ZFP14: variants seen among roughly 807,000 people sequenced by gnomAD.
ZFP14 encodes ZFP14 zinc finger protein.
In ZFP14, 22 loss-of-function variants were observed where a neutral mutation model predicts 54.5. The observed-to-expected ratio is 0.40, with a 90% CI of 0.29 to 0.58. The LOEUF (loss-of-function observed/expected upper bound fraction) is 0.58. Among genes scored for constraint, ZFP14 ranks in the 20% least tolerant of loss-of-function variants. The pLI, the probability that ZFP14 is intolerant of heterozygous loss-of-function variation, is 0.39. For missense variants in ZFP14, 470 were observed against 637.8 expected (o/e 0.74, Z 2.83); for synonymous variants, 159 against 204.0 (o/e 0.78, Z 1.88).
rs1303306685 is a variant in ZFP14 at position 36,336,991 on chromosome 19, T to C, written c.*3233A>G. 3 of 152,216 alleles carry C rather than the reference T, an allele frequency of 2.0e-5. No individual in the cohort carries two copies. The highest frequency in any genetic ancestry group is 1.3e-4 in the Admixed American group (2 of 15,278). 9.4% of individuals were successfully genotyped at this position (152,216 alleles called of 1,614,324 possible). ...GCTAGAATATTTTAATCCAAATGTG[T>C]CTATCTTCATTTCATAGTATGTATC... On this transcript the variant is annotated 3_prime_UTR_variant, in exon 5 of 5. Transcript: ENST00000270001.
At chr19:36,374,560 T>C (rs1245130202) in intron 1 of ZFP14, among the ~76,000 whole-genome samples, 1 of 151,398 alleles carries the variant, frequency 6.6e-6, no homozygotes, top group Non-Finnish European at 1.5e-5. Flanking sequence ...TTATAATGAA[T>C]TAATGGATTA....
chr19:36,349,696 A>T (rs1462791241), intron 4 of ZFP14, among the ~76,000 whole-genome samples: 2 of 142,932 alleles, frequency 1.4e-5, no homozygotes, highest in African/African-American at 2.5e-5. Flanking sequence ...TATATATATA[A>T]TATATATATA....
intron 1 of ZFP14, among the ~76,000 whole-genome samples, chr19:36,370,410 C>T (rs1392046247): frequency 6.6e-6 from 1 of 152,248 alleles, no homozygotes; most frequent in Non-Finnish European, 1.5e-5. Flanking sequence ...TCTAGACCTG[C>T]TCTGGCATCA....
At chr19:36,350,798 C>T (rs751265543) in intron 4 of ZFP14, among the ~76,000 whole-genome samples, 3 of 141,614 alleles carry the variant, frequency 2.1e-5, no homozygotes, top group African/African-American at 5.2e-5. Context: ...ACCTCTAAAA[C>T]AATATCTCTG....
At chr19:36,375,889 C>T (rs1033363569) in intron 1 of ZFP14, among the ~76,000 whole-genome samples, 4 of 151,450 alleles carry the variant, frequency 2.6e-5, no homozygotes, top group East Asian at 2.0e-4. Context: ...GATGGGGTTT[C>T]GCCATTTTGG....
In ZFP14 at chr19:36,372,060, AAAAG is replaced by A. The variant is rs2031887392; in HGVS notation, c.-79-4093_-79-4090del. On this transcript the variant is annotated intron_variant, in intron 1 of 4. Transcript: ENST00000270001. Reference sequence around the variant, plus strand: ...AAAGAAAAAAGAGAGGAAAGAAAGAAAAAGAAGAAAGGAAGGGAGGGAGGTAGGG... The same window carrying A: ...AAAGAAAAAAGAGAGGAAAGAAAGAAAAGAAAGGAAGGGAGGGAGGTAGGG... 3.4e-5 allele frequency among the ~76,000 whole-genome samples: 5 copies of A among 147,156 alleles called. No homozygotes were observed. The South Asian group carries it at 6.7e-4, about 20-fold the overall frequency.
Position 36,337,710 on chromosome 19 carries a change from C to T in ZFP14, c.*2514G>A, listed in dbSNP as rs1453075993. The T allele has an allele frequency of 6.6e-6, 1 of 151,192 alleles. No individual in the cohort carries two copies. The highest frequency in any genetic ancestry group is 1.5e-5 in the Non-Finnish European group (1 of 67,502). 9.4% of individuals were successfully genotyped at this position (151,192 alleles called of 1,614,324 possible). A position where few individuals can be genotyped will look rare whatever the true frequency, so the allele number is the denominator to read the frequency against. ...TCAGTTCATTATTCCAGCAATAAGG[C>T]TTTGTAGATGGTGGTGTGGACTTCC... On this transcript the variant is annotated 3_prime_UTR_variant, in exon 5 of 5. Transcript: ENST00000270001.
chr19:36,352,365 G>A (rs907568316), intron 4 of ZFP14, among the ~76,000 whole-genome samples: 2 of 143,096 alleles, frequency 1.4e-5, no homozygotes, highest in Admixed American at 7.2e-5. Context: ...AAAAATGCTT[G>A]ATTAATCCAA....
At chr19:36,372,664 T>C (rs2031897344) in intron 1 of ZFP14, among the ~76,000 whole-genome samples, 1 of 151,978 alleles carries the variant, frequency 6.6e-6, no homozygotes, top group African/African-American at 2.4e-5. Context: ...AAACTAAAAA[T>C]AGAACTACCA....
chr19:36,364,608 G>A (rs1210731882), intron 2 of ZFP14, among the ~76,000 whole-genome samples: 1 of 152,098 alleles, frequency 6.6e-6, no homozygotes, highest in African/African-American at 2.4e-5. Flanking sequence ...AGGCACACAT[G>A]AAAGTTTAGG....
intron 4 of ZFP14, among the ~76,000 whole-genome samples, chr19:36,356,645 G>A (rs919254670): frequency 3.3e-5 from 5 of 151,838 alleles, no homozygotes; most frequent in East Asian, 1.9e-4. Flanking sequence ...CATCCTCTAC[G>A]CCCTACATCC....
chr19:36,354,199 T>C (rs1175205783), intron 4 of ZFP14, among the ~76,000 whole-genome samples: 3 of 138,984 alleles, frequency 2.2e-5, no homozygotes, highest in Non-Finnish European at 4.7e-5. Context: ...GGTGAAACCT[T>C]GTCTCTACTA....
chr19:36,340,167 C>A lies in ZFP14; in HGVS notation c.*57G>T. Reference sequence around the variant, plus strand: ...GAATTGAGCATGAAACACATTTTCTCAAAAATGAATTTTCTGATGTTCTGT... The same window carrying A: ...GAATTGAGCATGAAACACATTTTCTAAAAAATGAATTTTCTGATGTTCTGT... On this transcript the variant is annotated 3_prime_UTR_variant, in exon 5 of 5. Coordinates refer to ENST00000270001, the MANE Select transcript of ZFP14 (RefSeq NM_020917.3). This position sits in a 1 kb window ranked among gnomAD's most constrained non-coding sequence, Gnocchi z 5.4. The A allele has an allele frequency of 6.8e-7, 1 of 1,463,342 alleles. No individual in the cohort carries two copies. Among genetic ancestry groups the A allele is most frequent in the South Asian group, 1.6e-5 (1 of 63,604 alleles). The allele number at this position is 1,463,342 out of a possible 1,614,324, so 90.6% of individuals were successfully genotyped here. A position where few individuals can be genotyped will look rare whatever the true frequency, so the allele number is the denominator to read the frequency against.
At chr19:36,371,932 T>C (rs1407132055) in intron 1 of ZFP14, among the ~76,000 whole-genome samples, 2 of 122,302 alleles carry the variant, frequency 1.6e-5, no homozygotes, top group African/African-American at 6.2e-5. Context: ...CACTCCAGCC[T>C]GGGCAACAGA....
chr19:36,360,517 T>C lies in ZFP14; in HGVS notation c.153A>G (p.Lys51=). The part of the protein sequence containing the change: ...NFISLGPSIS[K]PDVITLLDEE... ...CATCCAATAAGGTAATCACATCTGG[T>C]TTAGAAATGGAAGGTCCTGCTTAAA... is the stretch of plus-strand genomic sequence containing the variant. The change falls in exon 4 of 5, where the codon AAA becomes AAG. Residue 51 remains lysine (K), a synonymous_variant. Coordinates refer to ENST00000270001, the MANE Select transcript of ZFP14 (RefSeq NM_020917.3). 6.2e-7 allele frequency: 1 copy of C among 1,613,008 alleles called. No individual in the cohort carries two copies. Among genetic ancestry groups the C allele is most frequent in the Non-Finnish European group, 8.5e-7 (1 of 1,179,446 alleles).
chr19:36,378,643 A>G (rs921855660), intron 1 of ZFP14: 2 of 152,282 alleles, frequency 1.3e-5, no homozygotes, highest in Non-Finnish European at 2.9e-5. Context: ...CCTAAAGAAC[A>G]GCAGGATTGG....
rs934825662 is a variant in ZFP14 at position 36,366,267 on chromosome 19, C to CA, written c.9+1616dup. 1.1e-3 allele frequency among the ~76,000 whole-genome samples: 153 copies of CA among 142,080 alleles called. 1 individual carries two copies. The highest frequency in any genetic ancestry group is 6.5e-3 in the South Asian group (29 of 4,464). 93.2% of individuals were successfully genotyped at this position (142,080 alleles called of 152,430 possible). A position where few individuals can be genotyped will look rare whatever the true frequency, so the allele number is the denominator to read the frequency against. ...TGGGCGACAGAGCGAGACTCTGTCT[C>CA]AAAAAAAAAAAATTGTATTGAACTA... On this transcript the variant is annotated intron_variant, in intron 2 of 4. Coordinates refer to ENST00000270001, the MANE Select transcript of ZFP14 (RefSeq NM_020917.3).
Position 36,352,039 on chromosome 19 carries a change from C to T in ZFP14, c.235+8396G>A, listed in dbSNP as rs557716132. Among the ~76,000 whole-genome samples the T allele has an allele frequency of 4.3e-5, 6 of 141,132 alleles. 1 individual carries two copies. The East Asian group carries it at 6.3e-4, about 15-fold the overall frequency. 92.6% of individuals were successfully genotyped at this position (141,132 alleles called of 152,430 possible). A position where few individuals can be genotyped will look rare whatever the true frequency, so the allele number is the denominator to read the frequency against. ...TCTACTAAAAATACAAAAAAATTAGCGGGGCGTGGTGGTGAGCGCCTGTAG... is the reference window on the plus strand; with the variant it reads ...TCTACTAAAAATACAAAAAAATTAGTGGGGCGTGGTGGTGAGCGCCTGTAG... On this transcript the variant is annotated intron_variant, in intron 4 of 4. Transcript: ENST00000270001.
intron 1 of ZFP14, among the ~76,000 whole-genome samples, chr19:36,373,004 G>A (rs1002469388): frequency 4.6e-5 from 7 of 152,078 alleles, no homozygotes; most frequent in East Asian, 1.9e-4. Flanking sequence ...TCGACCAGGC[G>A]TGGTGGCTCA....
Sources: gnomAD v4.1 joint callset for allele counts (sites outside exome capture counted in the v4.1 genomes callset) on GRCh38, gnomAD v4.1.1 for gene constraint, Gnocchi (gnomAD v3.1) non-coding constraint, MANE v1.5 for transcripts, NCBI Gene and HGNC (gene_info 2026-07-23, HGNC 2026-07-21) for gene names.